The following NEO1 variants were observed in gnomAD, a reference collection of about 807,000 sequenced individuals.
NEO1 encodes neogenin.
Under a neutral mutation model 159.7 loss-of-function variants are expected in NEO1, and 63 were observed. The ratio of observed to expected loss-of-function variants is 0.39; its 90% CI spans 0.32 to 0.49. The LOEUF (loss-of-function observed/expected upper bound fraction) is 0.49. Among genes scored for constraint, NEO1 ranks in the 20% least tolerant of loss-of-function variants. NEO1 has a pLI of 0.85. For missense variants in NEO1, 1,615 were observed against 1,831.0 expected, an observed-to-expected ratio of 0.88 and a Z score of 2.15; for synonymous variants, 633 against 662.0, an observed-to-expected ratio of 0.96 and a Z score of 0.67.
chr15:73,218,657 G>A lies in NEO1; in HGVS notation c.1292-17690G>A, dbSNP rs1413955220. ...ACTTCTTCCTGGTTTAGTCTTGGGAGAGTGTATGTGTCGAGGAATTTATCC... is the reference window on the plus strand; with the variant it reads ...ACTTCTTCCTGGTTTAGTCTTGGGAAAGTGTATGTGTCGAGGAATTTATCC... On this transcript the variant is annotated intron_variant, in intron 7 of 28. Transcript: ENST00000261908. Among the ~76,000 whole-genome samples, 5 of 152,124 alleles carry A rather than the reference G, an allele frequency of 3.3e-5. No individual in the cohort carries two copies. In the South Asian group the frequency reaches 1.0e-3, roughly 32 times the overall value.
chr15:73,079,981 G>A (rs2068960228), intron 1 of NEO1, among the ~76,000 whole-genome samples: 2 of 152,192 alleles, frequency 1.3e-5, no homozygotes, highest in Admixed American at 6.5e-5. Context: ...AAAGTTGTTT[G>A]AGAATTGTTT....
At position 73,149,539 on chromosome 15, in the gene NEO1, C is replaced by T. The variant is rs186930131; in HGVS notation, c.1015+13512C>T. Among the ~76,000 whole-genome samples, 336 of 152,146 alleles carry T rather than the reference C, an allele frequency of 2.2e-3. 1 individual carries two copies. The highest frequency in any genetic ancestry group is 7.4e-3 in the African/African-American group (308 of 41,500). ...CAGGATGATAAAAACTATAAGATTA[C>T]GTGTCAACTATGTCTTTGAGACTTA... is the stretch of plus-strand genomic sequence containing the variant. On this transcript the variant is annotated intron_variant, in intron 5 of 28. Coordinates refer to ENST00000261908, the MANE Select transcript of NEO1 (RefSeq NM_002499.4).
At chr15:73,141,941 A>G (rs1423939465) in intron 5 of NEO1, among the ~76,000 whole-genome samples, 1 of 152,212 alleles carries the variant, frequency 6.6e-6, no homozygotes, top group Non-Finnish European at 1.5e-5. Flanking sequence ...GAGGCACCAC[A>G]GAGGAGTGAT....
intron 1 of NEO1, among the ~76,000 whole-genome samples, chr15:73,070,672 GTACA>G (rs1471153498): frequency 6.6e-6 from 1 of 152,000 alleles, no homozygotes; most frequent in Non-Finnish European, 1.5e-5. Context: ...TTTTTTCCCT[GTACA>G]TACATATGGC....
chr15:73,068,949 A>G (rs1051148193), intron 1 of NEO1, among the ~76,000 whole-genome samples: 4 of 131,492 alleles, frequency 3.0e-5, no homozygotes, highest in Admixed American at 1.7e-4. Flanking sequence ...CCTTTGATAG[A>G]GTGGGGCTTT....
At chr15:73,201,907 A>G (rs1208662169) in intron 7 of NEO1, among the ~76,000 whole-genome samples, 1 of 151,746 alleles carries the variant, frequency 6.6e-6, no homozygotes, top group East Asian at 1.9e-4. Context: ...CAATGTAATA[A>G]AGGTATTCCA....
intron 5 of NEO1, among the ~76,000 whole-genome samples, chr15:73,151,518 G>A (rs980622547): frequency 5.3e-5 from 8 of 152,168 alleles, no homozygotes; most frequent in South Asian, 2.1e-4. Flanking sequence ...AAGGAAAGAG[G>A]TTTAATTGAC....
intron 25 of NEO1, among the ~76,000 whole-genome samples, chr15:73,292,772 T>C (rs533662937): frequency 2.6e-4 from 39 of 152,354 alleles, no homozygotes; most frequent in Non-Finnish European, 2.9e-5. Context: ...TTCATGCTTT[T>C]AGTACTAGAT....
intron 1 of NEO1, among the ~76,000 whole-genome samples, chr15:73,098,196 C>G (rs1446140961): frequency 6.6e-6 from 1 of 152,040 alleles, no homozygotes; most frequent in Non-Finnish European, 1.5e-5. Flanking sequence ...AGAGTATATC[C>G]TACTATGTAT....
intron 1 of NEO1, among the ~76,000 whole-genome samples, chr15:73,103,705 A>G (rs2070526423): frequency 6.6e-6 from 1 of 152,186 alleles, no homozygotes. Flanking sequence ...CACCCACTCT[A>G]CACCAGGCAG....
intron 9 of NEO1, 120 bp downstream of exon 9, chr15:73,244,618 C>A: frequency 1.8e-6 from 2 of 1,138,864 alleles, no homozygotes; most frequent in Non-Finnish European, 2.4e-6. Flanking sequence ...TTTCGGGGTC[C>A]TTATCAATTA....
At chr15:73,244,888 G>GAGGTTGC (rs1387365640) in intron 9 of NEO1, among the ~76,000 whole-genome samples, 1 of 141,612 alleles carries the variant, frequency 7.1e-6, no homozygotes, top group Non-Finnish European at 1.5e-5. Context: ...CCAAGAGGTG[G>GAGGTTGC]AGGTTGCAGT....
At chr15:73,259,002 G>A in intron 14 of NEO1, 126 bp downstream of exon 14, 1 of 733,668 alleles carries the variant, frequency 1.4e-6, no homozygotes, top group South Asian at 1.7e-5. Flanking sequence ...GCATCACGCT[G>A]CTGTTGTTCC....
chr15:73,104,204 A>G (rs1159667381), intron 1 of NEO1, among the ~76,000 whole-genome samples: 1 of 152,192 alleles, frequency 6.6e-6, no homozygotes, highest in East Asian at 1.9e-4. Flanking sequence ...GAAATCTTGA[A>G]TGTTACTGAC....
At chr15:73,244,552 T>G in intron 9 of NEO1, 54 bp downstream of exon 9, 1 of 1,579,386 alleles carries the variant, frequency 6.3e-7, no homozygotes, top group Non-Finnish European at 8.6e-7. Flanking sequence ...TCTCTGAAGT[T>G]CTACCTTTGT....
intron 7 of NEO1, among the ~76,000 whole-genome samples, chr15:73,207,764 A>G (rs569518591): frequency 6.6e-6 from 1 of 152,098 alleles, no homozygotes; most frequent in Non-Finnish European, 1.5e-5. Context: ...ATAAGTAATT[A>G]TATTTATTCA....
intron 5 of NEO1, among the ~76,000 whole-genome samples, chr15:73,169,035 A>G (rs980795329): frequency 1.3e-5 from 2 of 151,846 alleles, no homozygotes; most frequent in Admixed American, 6.6e-5. Context: ...AACAATAGAA[A>G]CTCCAACAAT....
chr15:73,302,313 G>A (rs1190207929), intron 28 of NEO1, among the ~76,000 whole-genome samples: 1 of 152,218 alleles, frequency 6.6e-6, no homozygotes, highest in Non-Finnish European at 1.5e-5. Context: ...CATACCAACT[G>A]TGCTGACTGG....
intron 1 of NEO1, among the ~76,000 whole-genome samples, chr15:73,077,878 GA>G (rs1197730015): frequency 3.3e-5 from 5 of 152,186 alleles, no homozygotes; most frequent in African/African-American, 1.2e-4. Flanking sequence ...TGGGATGATA[GA>G]ATTTGATAGA....
Sources: allele counts gnomAD v4.1 joint callset (sites outside exome capture counted in the v4.1 genomes callset), GRCh38; gene constraint gnomAD v4.1.1; transcripts MANE v1.5; gene names NCBI Gene and HGNC (gene_info 2026-07-23, HGNC 2026-07-21).